The following E2F6 variants were observed in gnomAD, a reference collection of about 807,000 sequenced individuals.
E2F6 encodes transcription factor E2F6.
A neutral mutation model predicts 31.5 loss-of-function variants in E2F6; 19 were observed. The observed-to-expected ratio is 0.60, with a 90% CI of 0.42 to 0.89. The LOEUF (loss-of-function observed/expected upper bound fraction) is 0.89. E2F6 is among the 40% of genes least tolerant of loss of function. The pLI is 0.00. For missense variants in E2F6, 269 were observed against 341.6 expected (o/e 0.79, Z 1.67); for synonymous variants, 121 against 127.7 (o/e 0.95, Z 0.36).
chr2:11,455,393 T>C lies in E2F6; in HGVS notation c.164-1595A>G, dbSNP rs1307887840. 7.9e-6 allele frequency: 10 copies of C among 1,266,332 alleles called. No homozygotes were observed. The East Asian group carries it at 5.0e-4, about 64-fold the overall frequency. The allele number at this position is 1,266,332 out of a possible 1,614,324, so 78.4% of individuals were successfully genotyped here. A position where few individuals can be genotyped will look rare whatever the true frequency, so the allele number is the denominator to read the frequency against. On this transcript the variant is annotated intron_variant, in intron 2 of 6. Coordinates refer to ENST00000381525, the MANE Select transcript of E2F6 (RefSeq NM_198256.4). ...AACCTCCACAATGTCACATTTAGTT[T>C]AAAGACCACTGGCGGTTACTTCAGG...
At chr2:11,452,852 G>T (rs1397436237) in intron 3 of E2F6, among the ~76,000 whole-genome samples, 1 of 152,128 alleles carries the variant, frequency 6.6e-6, no homozygotes, top group Admixed American at 6.5e-5. Context: ...GCTCAAATTA[G>T]AATTCAACCT....
chr2:11,457,528 C>A (rs988818243), intron 1 of E2F6, among the ~76,000 whole-genome samples: 1 of 152,148 alleles, frequency 6.6e-6, no homozygotes, highest in Non-Finnish European at 1.5e-5. Flanking sequence ...GAGGCTGTGG[C>A]AAGAGAATCG....
chr2:11,455,276 A>G (rs1205574747), intron 2 of E2F6: 18 of 1,026,360 alleles, frequency 1.8e-5, no homozygotes, highest in Non-Finnish European at 2.2e-5. Context: ...GGAATATATG[A>G]CTTTCTTTTT....
rs754190161 is a variant in E2F6, at chr2:11,447,636, G to A, written c.790C>T (p.Pro264Ser). 1 of 1,611,622 alleles carries A rather than the reference G, an allele frequency of 6.2e-7. No individual in the cohort carries two copies. Among genetic ancestry groups the A allele is most frequent in the Non-Finnish European group, 8.5e-7 (1 of 1,179,794 alleles). Reference sequence around the variant, plus strand: ...TCACTGGTATATTTACCTTCCTCAGGGCCTTCTGGATGAGTGCTCTCAGAT... The same window carrying A: ...TCACTGGTATATTTACCTTCCTCAGAGCCTTCTGGATGAGTGCTCTCAGAT... ...SSSESTHPEGPEEEENPQQSE... is the reference protein window; with the variant it reads ...SSSESTHPEGSEEEENPQQSE... Residue 264 changes from proline to serine, a missense_variant, in exon 6 of 7, where the codon CCT (proline) becomes TCT (serine). Coordinates refer to ENST00000381525, the MANE Select transcript of E2F6 (RefSeq NM_198256.4).
chr2:11,446,738 G>A (rs1477482951), intron 6 of E2F6, among the ~76,000 whole-genome samples: 5 of 152,246 alleles, frequency 3.3e-5, no homozygotes, highest in South Asian at 2.1e-4. Flanking sequence ...GAAAGCACCC[G>A]TCCGAGAATG....
rs957356280 is a variant in E2F6, at chr2:11,451,680, A to G, written c.507T>C (p.Phe169=). ...ELIKDCAQQL[F]ELTDDKENER... ...CATTTTCTTTGTCATCTGTTAACTC[A>G]AACAGCTGCTGAGCACAATCCTTAA... Residue 169 remains phenylalanine, a synonymous_variant, in exon 4 of 7, where the codon TTT becomes TTC. Transcript: ENST00000381525. 4.3e-6 allele frequency: 7 copies of G among 1,611,020 alleles called. No individual in the cohort carries two copies. The highest frequency in any genetic ancestry group is 4.2e-6 in the Non-Finnish European group (5 of 1,178,624).
Position 11,451,756 on chromosome 2 carries a change from T to C in E2F6, c.431A>G (p.Gln144Arg). 1 of 1,609,026 alleles carries C rather than the reference T, an allele frequency of 6.2e-7. No individual in the cohort carries two copies. Among genetic ancestry groups the C allele is most frequent in the Non-Finnish European group, 8.5e-7 (1 of 1,176,916 alleles). Residue 144 changes from glutamine to arginine, a missense_variant, in exon 4 of 7, where the codon CAG (glutamine) becomes CGG (arginine). Coordinates refer to ENST00000381525, the MANE Select transcript of E2F6 (RefSeq NM_198256.4). ...FGAVPQQKKL[Q>R]EELSDLSAME... ...TGCTGATAAGTCAGAAAGTTCCTCC[T>C]GTAGCTTCTTTTGTTGGGGAACTGC...
At chr2:11,452,149 CT>C (rs1395474751) in intron 3 of E2F6, among the ~76,000 whole-genome samples, 1 of 152,168 alleles carries the variant, frequency 6.6e-6, no homozygotes, top group Non-Finnish European at 1.5e-5. Context: ...TACAACGCAG[CT>C]TCTGATAAGT....
intron 4 of E2F6, among the ~76,000 whole-genome samples, chr2:11,450,579 A>G (rs1241964476): frequency 2.6e-5 from 4 of 152,198 alleles, no homozygotes; most frequent in Non-Finnish European, 5.9e-5. Flanking sequence ...AAAAAAATCT[A>G]TAAAAAGGCA....
At chr2:11,456,303 C>T (rs1288813581) in intron 2 of E2F6, among the ~76,000 whole-genome samples, 1 of 152,064 alleles carries the variant, frequency 6.6e-6, no homozygotes, top group Non-Finnish European at 1.5e-5. Context: ...AGACAAATCC[C>T]CCTGGATTTT....
intron 3 of E2F6, 86 bp from the exon 4 acceptor site, chr2:11,451,892 T>C: frequency 7.6e-7 from 1 of 1,324,298 alleles, no homozygotes; most frequent in Non-Finnish European, 1.0e-6. Context: ...CTTCTCCAAA[T>C]GTTTGCCATA....
At chr2:11,454,385 G>A (rs1007410640) in intron 2 of E2F6, among the ~76,000 whole-genome samples, 8 of 147,828 alleles carry the variant, frequency 5.4e-5, no homozygotes, top group Non-Finnish European at 1.2e-4. Context: ...GTCTCGCTCT[G>A]TTGCCCAGGC....
At chr2:11,450,887 A>G (rs2148339152) in intron 4 of E2F6, among the ~76,000 whole-genome samples, 1 of 152,272 alleles carries the variant, frequency 6.6e-6, no homozygotes, top group South Asian at 2.1e-4. Context: ...AGAATCAGTG[A>G]GCCCCTCAAA....
rs1670663011 is a variant in E2F6 at position 11,445,519 on chromosome 2, T to C, written c.*958A>G. ...GCTGGAGAGAGGGCAAGGTACAACT[T>C]GTCCTAAGTAAAACCCCTTGGACTG... On this transcript the variant is annotated 3_prime_UTR_variant, in exon 7 of 7. Coordinates refer to ENST00000381525, the MANE Select transcript of E2F6 (RefSeq NM_198256.4). The C allele has an allele frequency of 1.3e-5, 2 of 152,534 alleles. No homozygotes were observed. Among genetic ancestry groups the C allele is most frequent in the East Asian group, 1.9e-4 (1 of 5,176 alleles). The allele number at this position is 152,534 out of a possible 1,614,324, so 9.4% of individuals were successfully genotyped here.
rs771450410 is a variant in E2F6, at chr2:11,450,079, T to C, written c.584A>G (p.His195Arg). ...YQDIHSIQAF[H>R]EQIVIAVKAP... is the part of the protein sequence containing the mutation. ...TTTAACTGCAATGACGATCTGTTCA[T>C]GGAAGGCCTGAATGCTATGAATGTC... Residue 195 changes from histidine to arginine, a missense_variant, in exon 5 of 7, where the codon CAT becomes CGT. Coordinates refer to ENST00000381525, the MANE Select transcript of E2F6 (RefSeq NM_198256.4). 4.3e-6 allele frequency: 7 copies of C among 1,613,854 alleles called. No homozygotes were observed. In the South Asian group the frequency reaches 4.4e-5, roughly 10 times the overall value.
At chr2:11,453,358 C>T (rs1367647443) in intron 3 of E2F6, among the ~76,000 whole-genome samples, 2 of 152,170 alleles carry the variant, frequency 1.3e-5, no homozygotes. Context: ...ACAACCTTAA[C>T]AAATTTTCCC....
intron 2 of E2F6, among the ~76,000 whole-genome samples, chr2:11,456,797 G>A (rs1671431669): frequency 1.3e-5 from 2 of 152,160 alleles, no homozygotes; most frequent in South Asian, 2.1e-4. Flanking sequence ...ACTGAGATTA[G>A]GAAGCTGAGG....
chr2:11,451,535 T>C (rs2148340696), intron 4 of E2F6, 116 bp downstream of exon 4: 2 of 1,104,502 alleles, frequency 1.8e-6, no homozygotes, highest in Non-Finnish European at 2.5e-6. Flanking sequence ...TATTTAACTT[T>C]CAATGGTCTA....
At chr2:11,450,900 G>A (rs1302010818) in intron 4 of E2F6, among the ~76,000 whole-genome samples, 1 of 152,120 alleles carries the variant, frequency 6.6e-6, no homozygotes, top group Non-Finnish European at 1.5e-5. Flanking sequence ...CCCTCAAAGG[G>A]TGCCACAGGG....
Sources: gnomAD v4.1 joint callset for allele counts (sites outside exome capture counted in the v4.1 genomes callset) on GRCh38, gnomAD v4.1.1 for gene constraint, MANE v1.5 for transcripts, NCBI Gene and HGNC (gene_info 2026-07-23, HGNC 2026-07-21) for gene names.